Variants in KCNT2 observed in about 807,000 individuals in gnomAD.
The protein encoded by KCNT2 is potassium channel subfamily T member 2.
A neutral mutation model predicts 153.8 loss-of-function variants in KCNT2; 67 were observed. The observed-to-expected ratio is 0.44, with a 90% CI of 0.36 to 0.53. The LOEUF is 0.53. KCNT2 is among the 20% of genes least tolerant of loss of function. The probability of loss-of-function intolerance (pLI) is 0.00; values close to 1 mark genes in which losing one functional copy is unlikely to be tolerated. For missense variants in KCNT2, 975 were observed against 1,354.8 expected, an observed-to-expected ratio of 0.72 and a Z score of 4.40; for synonymous variants, 500 against 458.8, an observed-to-expected ratio of 1.09 and a Z score of -1.15.
At chr1:196,482,823 C>A (rs953489439) in intron 3 of KCNT2, among the ~76,000 whole-genome samples, 1 of 151,984 alleles carries the variant, frequency 6.6e-6, no homozygotes, top group African/African-American at 2.4e-5. Context: ...ATATTTCAGA[C>A]TTGAAGTTTT....
intron 26 of KCNT2, among the ~76,000 whole-genome samples, chr1:196,249,678 C>G (rs1192844775): frequency 1.3e-5 from 2 of 151,620 alleles, no homozygotes; most frequent in Non-Finnish European, 2.9e-5. Flanking sequence ...GAGGCTGAGG[C>G]AGGCAAATCA....
At chr1:196,339,381 C>T (rs773423290) in intron 16 of KCNT2, among the ~76,000 whole-genome samples, 19 of 152,060 alleles carry the variant, frequency 1.2e-4, no homozygotes, top group Non-Finnish European at 2.4e-4. Context: ...GAATCATGGA[C>T]ATAGGACAAC....
chr1:196,526,905 T>A (rs111279289), intron 1 of KCNT2, among the ~76,000 whole-genome samples: 1 of 152,246 alleles, frequency 6.6e-6, no homozygotes, highest in East Asian at 1.9e-4. Context: ...CTCAGACTAG[T>A]ACCAGTCTGT....
At chr1:196,384,737 A>C (rs921312280) in intron 13 of KCNT2, among the ~76,000 whole-genome samples, 1 of 151,792 alleles carries the variant, frequency 6.6e-6, no homozygotes, top group Non-Finnish European at 1.5e-5. Context: ...AAATCTGTTA[A>C]AACTGTTTTG....
intron 14 of KCNT2, among the ~76,000 whole-genome samples, chr1:196,366,676 C>A (rs1668071917): frequency 6.6e-6 from 1 of 152,064 alleles, no homozygotes; most frequent in South Asian, 2.1e-4. Flanking sequence ...TCTTCATTGC[C>A]CTTCCCTACT....
At chr1:196,364,843 A>G (rs1316553458) in intron 14 of KCNT2, among the ~76,000 whole-genome samples, 2 of 152,144 alleles carry the variant, frequency 1.3e-5, no homozygotes. Context: ...TGTGAAAATA[A>G]CATACTTTCC....
intron 1 of KCNT2, 141 bp from the exon 2 acceptor site, chr1:196,492,482 G>A (rs1344859845): frequency 4.3e-6 from 3 of 693,084 alleles, no homozygotes; most frequent in South Asian, 4.2e-5. Flanking sequence ...TTGATTTAAT[G>A]CATTATGTAT....
At chr1:196,250,512 C>T (rs1009035477) in intron 26 of KCNT2, among the ~76,000 whole-genome samples, 12 of 152,100 alleles carry the variant, frequency 7.9e-5, no homozygotes, top group Admixed American at 7.2e-4. Flanking sequence ...AGACTACTAA[C>T]TATGAAAGTA....
chr1:196,435,247 A>G (rs1257350426), intron 8 of KCNT2, among the ~76,000 whole-genome samples: 1 of 138,722 alleles, frequency 7.2e-6, no homozygotes, highest in African/African-American at 2.7e-5. Flanking sequence ...CATTTATCTC[A>G]CCTTCACTAT....
intron 11 of KCNT2, 114 bp downstream of exon 11, chr1:196,425,738 C>G: frequency 9.5e-7 from 1 of 1,051,732 alleles, no homozygotes; most frequent in East Asian, 2.4e-5. Context: ...AGTCTATACT[C>G]AAACATACTT....
At chr1:196,379,272 A>G (rs1280813946) in intron 13 of KCNT2, among the ~76,000 whole-genome samples, 1 of 151,894 alleles carries the variant, frequency 6.6e-6, no homozygotes, top group African/African-American at 2.4e-5. Flanking sequence ...AGTGTTTCCT[A>G]TTTAAAAATT....
intron 1 of KCNT2, among the ~76,000 whole-genome samples, chr1:196,494,431 G>A (rs1413771037): frequency 6.6e-6 from 1 of 152,026 alleles, no homozygotes; most frequent in African/African-American, 2.4e-5. Context: ...ACGGAGTCTG[G>A]CTCTGTCGCC....
At chr1:196,558,173 C>CA (rs556810247) in intron 1 of KCNT2, among the ~76,000 whole-genome samples, 43 of 150,852 alleles carry the variant, frequency 2.9e-4, no homozygotes, top group African/African-American at 6.1e-4. Context: ...TATAATGAAA[C>CA]AAAAAAAATC....
chr1:196,282,393 A>T, intron 23 of KCNT2, 37 bp from the exon 24 acceptor site: 1 of 978,152 alleles, frequency 1.0e-6, no homozygotes, highest in Non-Finnish European at 1.6e-6. Flanking sequence ...ATAAATGTAT[A>T]TTTATATATA....
intron 22 of KCNT2, among the ~76,000 whole-genome samples, chr1:196,289,766 C>T (rs184880305): frequency 5.1e-4 from 78 of 152,062 alleles, no homozygotes; most frequent in East Asian, 5.8e-4. Context: ...ACTATGATTC[C>T]TTTTTGTTAA....
chr1:196,428,756 G>A (rs1538685), intron 9 of KCNT2, among the ~76,000 whole-genome samples: 94,067 of 151,904 alleles, frequency 0.62, 29,849 homozygotes, highest in Middle Eastern at 0.76. Context: ...TATCGGAGCA[G>A]GAAGGCCATT....
At chr1:196,381,987 G>T (rs1669531941) in intron 13 of KCNT2, among the ~76,000 whole-genome samples, 1 of 152,136 alleles carries the variant, frequency 6.6e-6, no homozygotes, top group Non-Finnish European at 1.5e-5. Flanking sequence ...ATGGTAAAAA[G>T]AAAGTAAATG....
At chr1:196,584,387 T>G (rs368123273) in intron 1 of KCNT2, among the ~76,000 whole-genome samples, 3 of 152,052 alleles carry the variant, frequency 2.0e-5, no homozygotes, top group Admixed American at 6.6e-5. Flanking sequence ...GGGAGCAGTA[T>G]GAAAATGAGC....
At chr1:196,427,642 G>A (rs1162225780) in intron 10 of KCNT2, among the ~76,000 whole-genome samples, 1 of 151,874 alleles carries the variant, frequency 6.6e-6, no homozygotes, top group Non-Finnish European at 1.5e-5. Context: ...TTATACTTCA[G>A]GAAACAAAAG....
Sources: allele counts gnomAD v4.1 joint callset (sites outside exome capture counted in the v4.1 genomes callset), GRCh38; gene constraint gnomAD v4.1.1; transcripts MANE v1.5; gene names NCBI Gene and HGNC (gene_info 2026-07-23, HGNC 2026-07-21).